The following SULF2 variants were observed in gnomAD, a reference collection of about 807,000 sequenced individuals.
The protein encoded by SULF2 is extracellular sulfatase Sulf-2.
Under a neutral mutation model 107.7 loss-of-function variants are expected in SULF2, and 52 were observed. That is an observed-to-expected ratio of 0.48 (90% confidence interval 0.39 to 0.61). SULF2 has a LOEUF of 0.61. Among genes scored for constraint, SULF2 ranks in the 20% least tolerant of loss-of-function variants. SULF2 has a pLI of 0.00. For missense variants in SULF2, 993 were observed against 1,177.3 expected, an observed-to-expected ratio of 0.84 and a Z score of 2.29; for synonymous variants, 460 against 464.3, an observed-to-expected ratio of 0.99 and a Z score of 0.12.
chr20:47,701,909 G>T (rs1233349104), intron 4 of SULF2, among the ~76,000 whole-genome samples: 2 of 152,122 alleles, frequency 1.3e-5, no homozygotes, highest in African/African-American at 2.4e-5. Flanking sequence ...GCCTACCCGG[G>T]TGCTCATTAC....
chr20:47,730,943 C>G (rs915388171), intron 3 of SULF2, among the ~76,000 whole-genome samples: 2 of 152,210 alleles, frequency 1.3e-5, no homozygotes, highest in East Asian at 3.9e-4. Flanking sequence ...TGGCACAAAC[C>G]ATGTGCTTTA....
intron 2 of SULF2, among the ~76,000 whole-genome samples, chr20:47,741,093 G>C (rs2146811353): frequency 6.6e-6 from 1 of 152,304 alleles, no homozygotes; most frequent in African/African-American, 2.4e-5. Context: ...AATCAGGCCA[G>C]TTGCTTCCTG....
intron 5 of SULF2, among the ~76,000 whole-genome samples, chr20:47,689,090 C>T (rs1193403781): frequency 2.0e-5 from 3 of 152,244 alleles, no homozygotes; most frequent in Admixed American, 2.0e-4. Flanking sequence ...GGGGGCTGGA[C>T]TTGAATCCTG....
intron 11 of SULF2, among the ~76,000 whole-genome samples, chr20:47,668,231 C>T (rs1321851530): frequency 1.3e-5 from 2 of 152,236 alleles, no homozygotes; most frequent in African/African-American, 4.8e-5. Context: ...ATTCAGGGGT[C>T]CCTAAACCAT....
Position 47,723,429 on chromosome 20 carries a change from A to G in SULF2, c.415+13274T>C, listed in dbSNP as rs183899427. On this transcript the variant is annotated intron_variant, in intron 3 of 20. Transcript: ENST00000688720. The stretch of plus-strand genomic sequence containing the variant: ...AGGAAGTTCTCCGCAGTGTGTGAAC[A>G]ACGCTCTAGACCAGGGATCCCCAAC... 6.3e-4 allele frequency among the ~76,000 whole-genome samples: 96 copies of G among 152,288 alleles called. 1 individual carries two copies. The highest frequency in any genetic ancestry group is 6.0e-3 in the Admixed American group (91 of 15,292).
rs550547998 is a variant in SULF2 at position 47,705,832 on chromosome 20, G to A, written c.416-3162C>T. Reference sequence around the variant, plus strand: ...TTTTTTTTTTTTGAGAGAGGGTCTCGCTGTTTTCCAGGCTGGAGTGCAATG... The same window carrying A: ...TTTTTTTTTTTTGAGAGAGGGTCTCACTGTTTTCCAGGCTGGAGTGCAATG... On this transcript the variant is annotated intron_variant, in intron 3 of 20. Coordinates refer to ENST00000688720, the MANE Select transcript of SULF2 (RefSeq NM_001387048.1). Among the ~76,000 whole-genome samples, 124 of 147,148 alleles carry A rather than the reference G, an allele frequency of 8.4e-4. No homozygotes were observed. The South Asian group carries it at 8.5e-3, about 10-fold the overall frequency.
rs566241682 is a variant in SULF2 at position 47,742,440 on chromosome 20, G to A, written c.176-5498C>T. ...AACCTTCCCACCATACTGGGTTGAG[G>A]GTGAGGTCACTCTGACACCTCTGTG... On this transcript the variant is annotated intron_variant, in intron 2 of 20. Transcript: ENST00000688720. Among the ~76,000 whole-genome samples the A allele has an allele frequency of 2.0e-5, 3 of 152,268 alleles. No individual in the cohort carries two copies. The South Asian group carries it at 6.2e-4, about 32-fold the overall frequency.
chr20:47,686,586 C>T lies in SULF2; in HGVS notation c.738-2005G>A, dbSNP rs1314957682. ...GGGTGTTCTGGGGGCAAGGAGCTCC[C>T]GCGAAGAAGAGGAGGAAAAACAAGC... On this transcript the variant is annotated intron_variant, in intron 5 of 20. Transcript: ENST00000688720. Among the ~76,000 whole-genome samples, 10 of 152,160 alleles carry T rather than the reference C, an allele frequency of 6.6e-5. No individual in the cohort carries two copies. In the South Asian group the frequency reaches 1.7e-3, roughly 25 times the overall value.
Position 47,666,229 on chromosome 20 carries a change from C to T in SULF2, c.1805+31G>A, listed in dbSNP as rs2146411305. The T allele has an allele frequency of 1.9e-6, 3 of 1,612,062 alleles. No homozygotes were observed. The East Asian group carries it at 6.7e-5, about 36-fold the overall frequency. On this transcript the variant is annotated intron_variant, in intron 12 of 20. Coordinates refer to ENST00000688720, the MANE Select transcript of SULF2 (RefSeq NM_001387048.1). This position sits in a 1 kb window ranked among gnomAD's most constrained non-coding sequence, Gnocchi z 5.4. ...CCTTTGCCGAGGTCTGTCCTGTCCCCTTCACCCTCGACTTCCACCTGGACA... is the reference window on the plus strand; with the variant it reads ...CCTTTGCCGAGGTCTGTCCTGTCCCTTTCACCCTCGACTTCCACCTGGACA...
At chr20:47,676,285 G>C (rs2087637391) in intron 10 of SULF2, among the ~76,000 whole-genome samples, 1 of 152,194 alleles carries the variant, frequency 6.6e-6, no homozygotes, top group African/African-American at 2.4e-5. Flanking sequence ...CTCTGACACG[G>C]TCAGGGTCCA....
At chr20:47,661,582 C>G (rs201452133) in intron 18 of SULF2, 191 bp downstream of exon 18, 2 of 446,260 alleles carry the variant, frequency 4.5e-6, no homozygotes, top group Non-Finnish European at 7.9e-6. Flanking sequence ...AGGTGTTCCT[C>G]TCTCAGGAAT....
intron 3 of SULF2, among the ~76,000 whole-genome samples, chr20:47,713,655 T>C (rs1231769926): frequency 6.6e-6 from 1 of 151,156 alleles, no homozygotes; most frequent in African/African-American, 2.4e-5. Flanking sequence ...GAGGCCAAAG[T>C]AGGAGGATCA....
At chr20:47,676,442 G>A (rs1391363915) in intron 10 of SULF2, 52 bp downstream of exon 10, 8 of 1,584,790 alleles carry the variant, frequency 5.0e-6, no homozygotes, top group Non-Finnish European at 6.9e-6. Context: ...GCAGGTCAGG[G>A]CCGGCTGCAG....
intron 3 of SULF2, among the ~76,000 whole-genome samples, chr20:47,723,655 CTG>C (rs1158285650): frequency 6.6e-5 from 10 of 152,298 alleles, no homozygotes; most frequent in Middle Eastern, 3.4e-3. Flanking sequence ...CCGTTGTGAA[CTG>C]TGCATGCGGG....
At chr20:47,753,984 A>G (rs1169420885) in intron 2 of SULF2, among the ~76,000 whole-genome samples, 1 of 152,180 alleles carries the variant, frequency 6.6e-6, no homozygotes, top group Non-Finnish European at 1.5e-5. Context: ...ACTACTTTAA[A>G]CATGTAATGA....
At chr20:47,712,965 G>A (rs2088982761) in intron 3 of SULF2, among the ~76,000 whole-genome samples, 2 of 152,120 alleles carry the variant, frequency 1.3e-5, no homozygotes, top group African/African-American at 4.8e-5. Flanking sequence ...AGCCCAGGAA[G>A]TGGAGGCGGA....
intron 2 of SULF2, among the ~76,000 whole-genome samples, chr20:47,748,522 T>G (rs2090096219): frequency 6.6e-6 from 1 of 152,184 alleles, no homozygotes; most frequent in Non-Finnish European, 1.5e-5. Flanking sequence ...AGGAAACATT[T>G]CCCAGATTCC....
At chr20:47,729,654 A>G (rs754205765) in intron 3 of SULF2, among the ~76,000 whole-genome samples, 4 of 151,774 alleles carry the variant, frequency 2.6e-5, no homozygotes, top group Non-Finnish European at 5.9e-5. Flanking sequence ...GGAGGTGCCG[A>G]GGAGAAGCCT....
intron 1 of SULF2, among the ~76,000 whole-genome samples, chr20:47,768,729 C>T (rs1164830520): frequency 3.9e-5 from 6 of 152,252 alleles, no homozygotes; most frequent in Non-Finnish European, 8.8e-5. Context: ...GCCACCCTGG[C>T]TGTGACTTGG....
Sources: gnomAD v4.1 joint callset for allele counts (sites outside exome capture counted in the v4.1 genomes callset) on GRCh38, gnomAD v4.1.1 for gene constraint, Gnocchi (gnomAD v3.1) non-coding constraint, MANE v1.5 for transcripts, NCBI Gene and HGNC (gene_info 2026-07-23, HGNC 2026-07-21) for gene names.